PATJ: variants seen among roughly 807,000 people sequenced by gnomAD.
PATJ encodes PATJ crumbs cell polarity complex component, also known as inaD-like protein.
A neutral mutation model predicts 224.9 loss-of-function variants in PATJ; 190 were observed. The observed-to-expected ratio is 0.84, with a 90% CI of 0.75 to 0.95. The LOEUF (loss-of-function observed/expected upper bound fraction) is 0.95, where lower values mean the gene tolerates loss of function less well. PATJ is among the 40% of genes least tolerant of loss of function. PATJ has a pLI of 0.00. For missense variants in PATJ, 2,121 were observed against 2,270.3 expected (o/e 0.93, Z 1.34); for synonymous variants, 769 against 820.3 (o/e 0.94, Z 1.07).
intron 8 of PATJ, among the ~76,000 whole-genome samples, chr1:61,790,585 C>T (rs1361330085): frequency 1.4e-5 from 2 of 143,856 alleles, no homozygotes; most frequent in Non-Finnish European, 3.0e-5. Flanking sequence ...GTGATCTCGG[C>T]TCACTGCAAC....
chr1:61,748,131 G>A lies in PATJ; in HGVS notation c.-36+5576G>A, dbSNP rs529970194. 2.7e-5 allele frequency among the ~76,000 whole-genome samples: 4 copies of A among 150,610 alleles called. 1 individual carries two copies. The highest frequency in any genetic ancestry group is 4.2e-4 in the South Asian group (2 of 4,764). ...TCTGACCTCGTGATCCACCCGCCTC[G>A]GCCTCCCAAAGTGCTGGAATTACAA... On this transcript the variant is annotated intron_variant, in intron 1 of 43. Transcript: ENST00000642238.
At chr1:62,123,199 C>A in intron 39 of PATJ, 141 bp downstream of exon 39, 1 of 605,118 alleles carries the variant, frequency 1.7e-6, no homozygotes, top group East Asian at 2.9e-5. Context: ...TAAATAACAT[C>A]AATAAATAGA....
At chr1:61,828,991 G>A (rs1395071271) in intron 16 of PATJ, among the ~76,000 whole-genome samples, 1 of 152,194 alleles carries the variant, frequency 6.6e-6, no homozygotes, top group Non-Finnish European at 1.5e-5. Flanking sequence ...ATGTGGTAAT[G>A]TGAGCAACTT....
chr1:61,878,928 C>T (rs867900893), intron 21 of PATJ, among the ~76,000 whole-genome samples: 11 of 151,880 alleles, frequency 7.2e-5, no homozygotes, highest in African/African-American at 1.2e-4. Context: ...GGATTACAGG[C>T]GTGTGCCACC....
At chr1:62,063,194 AG>A (rs1262361215) in intron 31 of PATJ, among the ~76,000 whole-genome samples, 1 of 152,186 alleles carries the variant, frequency 6.6e-6, no homozygotes, top group Non-Finnish European at 1.5e-5. Context: ...TGGTACTAGA[AG>A]GGGATCCAGT....
chr1:62,014,939 C>T (rs1646682286), intron 28 of PATJ, among the ~76,000 whole-genome samples: 1 of 152,248 alleles, frequency 6.6e-6, no homozygotes, highest in Non-Finnish European at 1.5e-5. Flanking sequence ...AAAAGCTGAA[C>T]TCTGAAGTGT....
At chr1:61,873,200 TCTCA>T (rs1250723729) in intron 20 of PATJ, among the ~76,000 whole-genome samples, 30 of 152,116 alleles carry the variant, frequency 2.0e-4, no homozygotes, top group Non-Finnish European at 3.5e-4. Flanking sequence ...AAAGACAGGG[TCTCA>T]CTCTTTTGCC....
intron 31 of PATJ, among the ~76,000 whole-genome samples, chr1:62,075,520 G>A (rs1398792125): frequency 1.3e-5 from 2 of 152,202 alleles, no homozygotes; most frequent in African/African-American, 4.8e-5. Context: ...TGGTCACACA[G>A]CTAATTAGTG....
intron 27 of PATJ, among the ~76,000 whole-genome samples, chr1:61,978,942 T>C (rs1347445096): frequency 6.6e-6 from 1 of 152,198 alleles, no homozygotes; most frequent in East Asian, 1.9e-4. Flanking sequence ...CCTATGATGA[T>C]AGGAAAACAT....
rs750238737 is a variant in PATJ at position 61,833,788 on chromosome 1, A to G, written c.2112+3A>G. On this transcript the variant is annotated splice_donor_region_variant and intron_variant, in intron 17 of 43. Transcript: ENST00000642238. ...GATTCAGCATTTTGGATTACCAGGT[A>G]TAAGAACCTGTGTAGAGGTGTTTTC... is the stretch of plus-strand genomic sequence containing the variant. The G allele has an allele frequency of 6.8e-6, 11 of 1,612,500 alleles. No homozygotes were observed. The Admixed American group carries it at 1.2e-4, about 17-fold the overall frequency.
chr1:61,905,148 C>T (rs1232706838), intron 24 of PATJ, among the ~76,000 whole-genome samples: 3 of 152,174 alleles, frequency 2.0e-5, no homozygotes, highest in African/African-American at 7.2e-5. Context: ...ATAGAAATTC[C>T]ATTATAGTTC....
intron 11 of PATJ, among the ~76,000 whole-genome samples, chr1:61,798,287 G>A (rs1019599770): frequency 3.3e-5 from 5 of 151,948 alleles, no homozygotes; most frequent in African/African-American, 1.2e-4. Flanking sequence ...CTTACTTCCT[G>A]GGCTCAAGTT....
intron 27 of PATJ, among the ~76,000 whole-genome samples, chr1:61,933,850 T>A (rs556323070): frequency 6.6e-6 from 1 of 152,224 alleles, no homozygotes; most frequent in South Asian, 2.1e-4. Flanking sequence ...ACTTCTCTTC[T>A]GTTTGTTATT....
At chr1:62,106,964 T>C (rs909482946) in intron 33 of PATJ, among the ~76,000 whole-genome samples, 14 of 151,836 alleles carry the variant, frequency 9.2e-5, no homozygotes, top group African/African-American at 3.4e-4. Context: ...AGGACTCAAA[T>C]CCCCACTGTG....
intron 29 of PATJ, among the ~76,000 whole-genome samples, chr1:62,036,159 G>A (rs745524801): frequency 2.6e-5 from 4 of 152,174 alleles, no homozygotes; most frequent in African/African-American, 4.8e-5. Flanking sequence ...TTAGAAATAT[G>A]ATCAGTTTTA....
chr1:61,969,277 C>G (rs887740307), intron 27 of PATJ, among the ~76,000 whole-genome samples: 3 of 152,140 alleles, frequency 2.0e-5, no homozygotes, highest in African/African-American at 7.2e-5. Flanking sequence ...TATGATATTT[C>G]TAATTTTTTT....
At chr1:61,938,022 G>T (rs1677158962) in intron 27 of PATJ, among the ~76,000 whole-genome samples, 1 of 152,164 alleles carries the variant, frequency 6.6e-6, no homozygotes, top group Non-Finnish European at 1.5e-5. Context: ...GGAGCTTTTA[G>T]ACATGAATGT....
chr1:61,767,293 G>A (rs898316222), intron 4 of PATJ, among the ~76,000 whole-genome samples: 4 of 152,038 alleles, frequency 2.6e-5, no homozygotes, highest in Non-Finnish European at 5.9e-5. Flanking sequence ...ATAATCTTTG[G>A]GAGGCAGAGG....
intron 4 of PATJ, 97 bp from the exon 5 acceptor site, chr1:61,769,186 G>A: frequency 7.7e-6 from 9 of 1,172,274 alleles, no homozygotes; most frequent in Non-Finnish European, 9.5e-6. Context: ...GGTTCTTAGG[G>A]GAAGCTGCTT....
Sources: allele counts gnomAD v4.1 joint callset (sites outside exome capture counted in the v4.1 genomes callset), GRCh38; gene constraint gnomAD v4.1.1; transcripts MANE v1.5; gene names NCBI Gene and HGNC (gene_info 2026-07-23, HGNC 2026-07-21).